MLIP: variants seen among roughly 807,000 people sequenced by gnomAD.
MLIP encodes the protein muscular LMNA interacting protein, also known as muscular LMNA-interacting protein.
A neutral mutation model predicts 84.8 loss-of-function variants in MLIP; 79 were observed. The observed-to-expected ratio is 0.93, with a 90% CI of 0.78 to 1.12. The LOEUF is 1.12. Among genes scored for constraint, MLIP ranks in the 50% most tolerant of loss-of-function variants. The pLI is 0.00. For synonymous variants in MLIP, 504 were observed against 463.0 expected (o/e 1.09, Z -1.14); for missense variants, 1,257 against 1,160.6 (o/e 1.08, Z -1.21).
At chr6:54,092,322 C>A (rs1767924062) in intron 1 of MLIP, among the ~76,000 whole-genome samples, 1 of 152,126 alleles carries the variant, frequency 6.6e-6, no homozygotes, top group African/African-American at 2.4e-5. Context: ...ATTGGCCTAG[C>A]AATAGCATAT....
At chr6:54,247,109 G>T (rs145303766) in intron 12 of MLIP, among the ~76,000 whole-genome samples, 1 of 152,208 alleles carries the variant, frequency 6.6e-6, no homozygotes, top group East Asian at 1.9e-4. Flanking sequence ...TTGAATGCCT[G>T]AGAATATATT....
chr6:54,135,464 G>C (rs983906042), intron 3 of MLIP, among the ~76,000 whole-genome samples: 5 of 152,010 alleles, frequency 3.3e-5, no homozygotes, highest in Non-Finnish European at 7.4e-5. Flanking sequence ...TATTTTTAGA[G>C]ATTAAAACTA....
chr6:54,158,186 G>A (rs1319865267), intron 5 of MLIP, among the ~76,000 whole-genome samples: 1 of 152,042 alleles, frequency 6.6e-6, no homozygotes, highest in Non-Finnish European at 1.5e-5. Context: ...GGATTCCATG[G>A]TTTCACAGGT....
chr6:54,188,900 TACA>T (rs1381873287), intron 9 of MLIP, among the ~76,000 whole-genome samples: 4 of 152,154 alleles, frequency 2.6e-5, no homozygotes, highest in Non-Finnish European at 5.9e-5. Context: ...TCCTCCAAGT[TACA>T]ACATTTATGC....
chr6:54,081,846 T>A (rs1370049851), intron 1 of MLIP, among the ~76,000 whole-genome samples: 1 of 152,236 alleles, frequency 6.6e-6, no homozygotes, highest in African/African-American at 2.4e-5. Flanking sequence ...TAGGACTGTT[T>A]GTTCTTTTAC....
intron 1 of MLIP, among the ~76,000 whole-genome samples, chr6:54,021,088 A>G (rs1293604333): frequency 6.6e-6 from 1 of 152,240 alleles, no homozygotes. Flanking sequence ...TTGGCTGTTT[A>G]TGTGAATAAA....
chr6:54,210,660 C>T (rs1284130891), intron 11 of MLIP, among the ~76,000 whole-genome samples: 115 of 147,740 alleles, frequency 7.8e-4, no homozygotes, highest in Non-Finnish European at 1.4e-3. Flanking sequence ...ATTTGTTTCA[C>T]CCAGACTTCA....
At chr6:54,241,060 G>A (rs1781703675) in intron 12 of MLIP, among the ~76,000 whole-genome samples, 1 of 151,584 alleles carries the variant, frequency 6.6e-6, no homozygotes, top group South Asian at 2.1e-4. Context: ...AGAACCGGGC[G>A]ACCTCAAAGT....
rs116453393 is a variant in MLIP, at chr6:54,173,686, G to T, written c.2544+4114G>T. 3.7e-3 allele frequency among the ~76,000 whole-genome samples: 561 copies of T among 151,812 alleles called. 6 individuals carry two copies. Among genetic ancestry groups the T allele is most frequent in the African/African-American group, 0.013 (522 of 41,448 alleles). On this transcript the variant is annotated intron_variant, in intron 9 of 13. Coordinates refer to ENST00000502396, the MANE Select transcript of MLIP (RefSeq NM_001281747.2). ...TAATAATTACATCATGGAAAATGGG[G>T]TATCTGTCCCCTCAAGCTTTTATCC...
chr6:54,059,161 T>C (rs1765823399), intron 1 of MLIP, among the ~76,000 whole-genome samples: 1 of 152,102 alleles, frequency 6.6e-6, no homozygotes, highest in Admixed American at 6.5e-5. Flanking sequence ...GCTTGCATGC[T>C]TTCCTTCCTT....
At chr6:54,187,161 A>G (rs1777476976) in intron 9 of MLIP, among the ~76,000 whole-genome samples, 2 of 152,316 alleles carry the variant, frequency 1.3e-5, no homozygotes, top group South Asian at 4.1e-4. Context: ...AGATTTAGGA[A>G]AATCAGGATG....
chr6:54,256,569 C>T (rs9474779), intron 12 of MLIP, among the ~76,000 whole-genome samples: 48,246 of 151,994 alleles, frequency 0.32, 10,797 homozygotes, highest in African/African-American at 0.62. Context: ...TCATTACAAA[C>T]GTTTGCTCTC....
At chr6:54,105,158 C>T (rs1768920215) in intron 1 of MLIP, among the ~76,000 whole-genome samples, 1 of 152,122 alleles carries the variant, frequency 6.6e-6, no homozygotes, top group Non-Finnish European at 1.5e-5. Flanking sequence ...TGCTTCTGAC[C>T]TAAGCAACTG....
chr6:54,071,672 A>G (rs1766493919), intron 1 of MLIP, among the ~76,000 whole-genome samples: 1 of 152,216 alleles, frequency 6.6e-6, no homozygotes. Flanking sequence ...GTAAACATAT[A>G]GATTGTCCCT....
chr6:54,214,842 C>T lies in MLIP; in HGVS notation c.2718+12609C>T, dbSNP rs113681080. The stretch of plus-strand genomic sequence containing the variant: ...AAAACATTTATGAGCATGTGGTCTC[C>T]GCAATGCTGAGTAGTGAGTGCTGTG... On this transcript the variant is annotated intron_variant, in intron 11 of 13. Coordinates refer to ENST00000502396, the MANE Select transcript of MLIP (RefSeq NM_001281747.2). Among the ~76,000 whole-genome samples, 77 of 152,258 alleles carry T rather than the reference C, an allele frequency of 5.1e-4. 2 individuals carry two copies. Among genetic ancestry groups the T allele is most frequent in the African/African-American group, 1.8e-3 (75 of 41,558 alleles).
intron 1 of MLIP, among the ~76,000 whole-genome samples, chr6:54,080,627 T>G (rs1382891378): frequency 2.7e-5 from 4 of 150,384 alleles, no homozygotes; most frequent in African/African-American, 9.8e-5. Flanking sequence ...ACACATTTTT[T>G]GTCTGAGAAA....
At chr6:54,036,740 T>C (rs1764467778) in intron 1 of MLIP, among the ~76,000 whole-genome samples, 1 of 152,048 alleles carries the variant, frequency 6.6e-6, no homozygotes, top group South Asian at 2.1e-4. Flanking sequence ...TCTGGGTATA[T>C]ATCCAAAGGA....
At chr6:54,178,373 C>T (rs1195818634) in intron 9 of MLIP, among the ~76,000 whole-genome samples, 4 of 151,814 alleles carry the variant, frequency 2.6e-5, no homozygotes, top group Non-Finnish European at 5.9e-5. Flanking sequence ...CTTTTTGTTT[C>T]ATTGATCTTT....
At chr6:54,095,181 A>G (rs1019495422) in intron 1 of MLIP, among the ~76,000 whole-genome samples, 1 of 152,144 alleles carries the variant, frequency 6.6e-6, no homozygotes, top group Non-Finnish European at 1.5e-5. Context: ...CGGTGGGTAG[A>G]CAGAGATATA....
Sources: gnomAD v4.1 joint callset for allele counts (sites outside exome capture counted in the v4.1 genomes callset) on GRCh38, gnomAD v4.1.1 for gene constraint, MANE v1.5 for transcripts, NCBI Gene and HGNC (gene_info 2026-07-23, HGNC 2026-07-21) for gene names.